The following KIRREL2 variants were observed in gnomAD, a reference collection of about 807,000 sequenced individuals.
KIRREL2 encodes the protein kin of IRRE-like protein 2.
KIRREL2 carries 56 observed loss-of-function variants against 73.4 expected under a neutral mutation model. That is an observed-to-expected ratio of 0.76 (90% CI 0.62 to 0.95). The LOEUF is 0.95. Among genes scored for constraint, KIRREL2 ranks in the 40% least tolerant of loss-of-function variants. KIRREL2 has a pLI of 0.00. For missense variants in KIRREL2, 896 were observed against 935.0 expected, an observed-to-expected ratio of 0.96 and a Z score of 0.54; for synonymous variants, 407 against 404.0, an observed-to-expected ratio of 1.01 and a Z score of -0.09.
At chr19:35,859,767 G>A in intron 5 of KIRREL2, 136 bp downstream of exon 5, 4 of 1,026,300 alleles carry the variant, frequency 3.9e-6, no homozygotes, top group South Asian at 3.3e-5. Context: ...GGAGAGGGCT[G>A]GGTATGGTAG....
In KIRREL2 at chr19:35,862,511, G is replaced by A. The variant is rs1255465354; in HGVS notation, c.1529G>A (p.Arg510Gln). The change falls in exon 12 of 15, where the codon CGG (arginine) becomes CAG (glutamine). Residue 510 changes from arginine to glutamine, a missense_variant. By Grantham distance (43) the Arg-to-Gln change is conservative. Transcript: ENST00000360202. ...LGRRDLLPTVRIVAGVAAATT... is the reference protein window; with the variant it reads ...LGRRDLLPTVQIVAGVAAATT... ...CCTGCAGACTTGCTGCCCACTGTGC[G>A]GATAGTGGCCGGAGTGGCCGCTGCC... 6.2e-6 allele frequency: 10 copies of A among 1,610,208 alleles called. No homozygotes were observed. Among genetic ancestry groups the A allele is most frequent in the African/African-American group, 4.0e-5 (3 of 75,064 alleles).
In KIRREL2 at chr19:35,867,024, T is replaced by G. The variant is rs1275745099; in HGVS notation, c.*532T>G. 6.4e-6 allele frequency: 1 copy of G among 156,864 alleles called. No homozygotes were observed. The highest frequency in any genetic ancestry group is 6.5e-5 in the Admixed American group (1 of 15,284). 9.7% of individuals were successfully genotyped at this position (156,864 alleles called of 1,614,324 possible). ...TCTTGATTTTACTTTCCTTAAAGAC[T>G]CAGAAAGACTTGGACCCAAGGAGTG... On this transcript the variant is annotated 3_prime_UTR_variant, in exon 15 of 15. Coordinates refer to ENST00000360202, the MANE Select transcript of KIRREL2 (RefSeq NM_199180.4).
chr19:35,861,955 A>T lies in KIRREL2; in HGVS notation c.1441A>T (p.Arg481Trp). Residue 481 changes from arginine to tryptophan, a missense_variant, in exon 11 of 15, where the codon AGG becomes TGG. Coordinates refer to ENST00000360202, the MANE Select transcript of KIRREL2 (RefSeq NM_199180.4). The stretch of plus-strand genomic sequence containing the variant: ...GGGGACCCAGGAGTCTGACTTTAGC[A>T]GGAGCTTTAACTGCAGTGCCCGGAA... Reference protein sequence around the residue: ...ISGTQESDFSRSFNCSARNRL... With the variant: ...ISGTQESDFSWSFNCSARNRL... The T allele has an allele frequency of 6.2e-7, 1 of 1,613,262 alleles. No individual in the cohort carries two copies. The highest frequency in any genetic ancestry group is 8.5e-7 in the Non-Finnish European group (1 of 1,179,776).
chr19:35,851,644 G>C (rs544235158), upstream of KIRREL2: 1 of 1,613,770 alleles, frequency 6.2e-7, no homozygotes, highest in Non-Finnish European at 8.5e-7. Flanking sequence ...CCCGGGGAAC[G>C]GAGGCAGGAA....
At chr19:35,865,199 G>A (rs1382908434) in intron 14 of KIRREL2, among the ~76,000 whole-genome samples, 9 of 100,644 alleles carry the variant, frequency 8.9e-5, no homozygotes, top group African/African-American at 1.2e-4. Context: ...TTTTTGAGAC[G>A]GAGTCTCATT....
At chr19:35,862,075 A>G (rs371401921) in intron 11 of KIRREL2, 51 bp downstream of exon 11, 1 of 1,474,478 alleles carries the variant, frequency 6.8e-7, no homozygotes, top group Non-Finnish European at 9.3e-7. Flanking sequence ...AACCCCACAA[A>G]CGCAGGGATC....
In KIRREL2 at chr19:35,864,631, T is replaced by A. The variant is rs770808021; in HGVS notation, c.1726-17T>A. 17 of 1,607,782 alleles carry A rather than the reference T, an allele frequency of 1.1e-5. No homozygotes were observed. The highest frequency in any genetic ancestry group is 1.4e-5 in the Non-Finnish European group (16 of 1,174,434). On this transcript the variant is annotated splice_polypyrimidine_tract_variant and intron_variant, in intron 13 of 14. Transcript: ENST00000360202. Reference sequence around the variant, plus strand: ...GGATCCTCTGACTATTCCCTCTCACTAAGTTCCCTACCCCAGGGCCCCATT... The same window carrying A: ...GGATCCTCTGACTATTCCCTCTCACAAAGTTCCCTACCCCAGGGCCCCATT...
intron 4 of KIRREL2, 75 bp downstream of exon 4, chr19:35,858,939 CAGAAGAGA>C: frequency 6.0e-6 from 9 of 1,509,818 alleles, no homozygotes; most frequent in Non-Finnish European, 8.2e-6. Flanking sequence ...CAGGCTCATC[CAGAAGAGA>C]AGAAGACATG....
chr19:35,863,998 A>G (rs1973837456), intron 13 of KIRREL2, among the ~76,000 whole-genome samples: 1 of 149,928 alleles, frequency 6.7e-6, no homozygotes, highest in Admixed American at 6.7e-5. Context: ...GATGGTCTGG[A>G]TCTCCTGACC....
intron 3 of KIRREL2, 72 bp from the exon 4 acceptor site, chr19:35,858,632 G>A: frequency 1.7e-5 from 28 of 1,608,272 alleles, no homozygotes; most frequent in Non-Finnish European, 2.4e-5. Context: ...CAGAGCCCAG[G>A]GAGCCCAGGG....
intron 4 of KIRREL2, 43 bp from the exon 5 acceptor site, chr19:35,859,438 C>G (rs780464760): frequency 3.1e-6 from 5 of 1,592,488 alleles, no homozygotes; most frequent in Non-Finnish European, 4.3e-6. Context: ...ATTGGACACC[C>G]CTGATGGGTA....
chr19:35,861,044 C>T lies in KIRREL2; in HGVS notation c.1056+8C>T. On this transcript the variant is annotated splice_region_variant and intron_variant, in intron 8 of 14. Transcript: ENST00000360202. ...CGCCGCGGTGGCGCGCAGGTACAGC[C>T]CTAAATCTGAGGCGGTGGCTGGAGG... 1 of 1,607,700 alleles carries T rather than the reference C, an allele frequency of 6.2e-7. No homozygotes were observed. Among genetic ancestry groups the T allele is most frequent in the Non-Finnish European group, 8.5e-7 (1 of 1,177,142 alleles).
At chr19:35,857,235 G>A in intron 1 of KIRREL2, 55 bp downstream of exon 1, 1 of 1,603,544 alleles carries the variant, frequency 6.2e-7, no homozygotes, top group Non-Finnish European at 8.5e-7. Flanking sequence ...GTTGCTTGCG[G>A]GCTGCCTCTT....
chr19:35,856,366 T>C (rs1173643858), upstream of KIRREL2, among the ~76,000 whole-genome samples: 1 of 152,144 alleles, frequency 6.6e-6, no homozygotes, highest in Non-Finnish European at 1.5e-5. The surrounding 1 kb of genome is among the most constrained non-coding windows in gnomAD (Gnocchi z 5.9). Context: ...GATTCCTGGG[T>C]CTTAGGACGT....
Position 35,861,203 on chromosome 19 carries a change from G to A in KIRREL2, c.1138G>A (p.Gly380Arg), listed in dbSNP as rs1473266056. ...AGDYVCRAEA[G>R]LSGLRGGAAE... Reference sequence around the variant, plus strand: ...CGACTATGTGTGCAGAGCTGAGGCTGGGCTATCGGGCCTGCGGGGCGGCGC... The same window carrying A: ...CGACTATGTGTGCAGAGCTGAGGCTAGGCTATCGGGCCTGCGGGGCGGCGC... Residue 380 changes from glycine to arginine, a missense_variant, in exon 9 of 15, where the codon GGG (glycine) becomes AGG (arginine). Physicochemically the swap from Gly to Arg is moderately radical, Grantham distance 125. Coordinates refer to ENST00000360202, the MANE Select transcript of KIRREL2 (RefSeq NM_199180.4). 7.1e-6 allele frequency: 11 copies of A among 1,549,830 alleles called. No individual in the cohort carries two copies. The South Asian group carries it at 1.1e-4, about 15-fold the overall frequency.
At chr19:35,855,043 G>A (rs968661043), upstream of KIRREL2, among the ~76,000 whole-genome samples, 2 of 151,994 alleles carry the variant, frequency 1.3e-5, no homozygotes, top group East Asian at 3.9e-4. Flanking sequence ...CAAGACCCCC[G>A]CCAATATCGT....
At position 35,857,473 on chromosome 19, in the gene KIRREL2, G is replaced by C. The variant is rs1218255898; in HGVS notation, c.190G>C (p.Gly64Arg). ...GTGGACTAAGAGTGGGCTGGCCCTA[G>C]GGGGCCAAAGGGACCTACCAGGTAA... ...VQWTKSGLAL[G>R]GQRDLPGWSR... Residue 64 changes from glycine (G) to arginine (R), a missense_variant, in exon 2 of 15, where the codon GGG (glycine) becomes CGG (arginine). By Grantham distance (125) the Gly-to-Arg change is moderately radical. Coordinates refer to ENST00000360202, the MANE Select transcript of KIRREL2 (RefSeq NM_199180.4). 1 of 1,599,574 alleles carries C rather than the reference G, an allele frequency of 6.3e-7. No individual in the cohort carries two copies. The highest frequency in any genetic ancestry group is 1.7e-5 in the Admixed American group (1 of 57,328).
At chr19:35,864,243 T>G (rs1383134577) in intron 13 of KIRREL2, among the ~76,000 whole-genome samples, 1 of 152,048 alleles carries the variant, frequency 6.6e-6, no homozygotes, top group Admixed American at 6.6e-5. Context: ...CAAGCTGGAA[T>G]GCAGTGGTGC....
intron 2 of KIRREL2, among the ~76,000 whole-genome samples, chr19:35,857,982 C>A (rs1973500410): frequency 6.8e-6 from 1 of 146,094 alleles, no homozygotes; most frequent in Non-Finnish European, 1.5e-5. Flanking sequence ...AATGGTGAGA[C>A]CCTGTCTCAA....
Sources: allele counts gnomAD v4.1 joint callset (sites outside exome capture counted in the v4.1 genomes callset), GRCh38; gene constraint gnomAD v4.1.1; non-coding constraint Gnocchi (gnomAD v3.1); transcripts MANE v1.5; gene names NCBI Gene and HGNC (gene_info 2026-07-23, HGNC 2026-07-21).